The following SUMF1 variants were observed in gnomAD, a reference collection of about 807,000 sequenced individuals.
The protein encoded by SUMF1 is formylglycine-generating enzyme.
A neutral mutation model predicts 47.6 loss-of-function variants in SUMF1; 48 were observed. The ratio of observed to expected loss-of-function variants is 1.01; its 90% CI spans 0.80 to 1.28. SUMF1 has a LOEUF of 1.28. Ranked by LOEUF, SUMF1 falls within the 50% of genes most tolerant of loss-of-function variation. The probability of loss-of-function intolerance (pLI) is 0.00; values close to 1 mark genes in which losing one functional copy is unlikely to be tolerated. For missense variants in SUMF1, 571 were observed against 485.4 expected (o/e 1.18, Z -1.66); for synonymous variants, 230 against 192.1 (o/e 1.20, Z -1.63).
At chr3:4,168,457 T>A (rs759391227) in intron 8 of SUMF1, among the ~76,000 whole-genome samples, 6 of 152,292 alleles carry the variant, frequency 3.9e-5, no homozygotes, top group Non-Finnish European at 7.4e-5. Flanking sequence ...GAAGCAAGGT[T>A]GGTCTTCACA....
intron 8 of SUMF1, among the ~76,000 whole-genome samples, chr3:4,143,554 G>C (rs1694122302): frequency 6.6e-6 from 1 of 151,960 alleles, no homozygotes; most frequent in Non-Finnish European, 1.5e-5. Context: ...TTATTATTTT[G>C]ACATAAAACA....
rs73119846 is a variant in SUMF1 at position 4,072,226 on chromosome 3, C to T, written c.1015-3481G>A. 6.2e-3 allele frequency among the ~76,000 whole-genome samples: 951 copies of T among 152,214 alleles called. 15 individuals carry two copies. Among genetic ancestry groups the T allele is most frequent in the African/African-American group, 0.017 (722 of 41,522 alleles). ...GCCTGACTGTCAGAAGGAAAACTAA[C>T]GAATACAAGGGGCCTGACTGTTAGA... On this transcript the variant is annotated intron_variant and NMD_transcript_variant, in intron 8 of 12. Coordinates refer to the SUMF1 transcript ENST00000448413.
intron 8 of SUMF1, among the ~76,000 whole-genome samples, chr3:4,214,549 C>G (rs970113396): frequency 1.8e-4 from 28 of 152,014 alleles, no homozygotes; most frequent in Non-Finnish European, 4.0e-4. Flanking sequence ...CAAGAAATAA[C>G]TAAGATCAGA....
At chr3:4,189,734 A>T (rs1308088919) in intron 8 of SUMF1, among the ~76,000 whole-genome samples, 1 of 152,104 alleles carries the variant, frequency 6.6e-6, no homozygotes, top group African/African-American at 2.4e-5. Context: ...ACCCAATCTC[A>T]CCTGGGCTGG....
intron 1 of SUMF1, among the ~76,000 whole-genome samples, chr3:4,466,121 T>C (rs751397104): frequency 2.0e-4 from 31 of 152,096 alleles, no homozygotes; most frequent in Non-Finnish European, 3.1e-4. Context: ...TTCTTTCTTT[T>C]TTTTTTTCGA....
chr3:4,418,722 G>C (rs900224227), intron 4 of SUMF1, among the ~76,000 whole-genome samples: 1 of 152,094 alleles, frequency 6.6e-6, no homozygotes, highest in African/African-American at 2.4e-5. Context: ...CTCTGTTTCA[G>C]CCTCTGTTTC....
At chr3:4,245,586 T>C (rs911809266) in intron 8 of SUMF1, among the ~76,000 whole-genome samples, 3 of 152,142 alleles carry the variant, frequency 2.0e-5, no homozygotes, top group South Asian at 4.1e-4. Flanking sequence ...ACAGCATATA[T>C]TGCTGCCTCA....
At chr3:4,198,902 G>GA (rs1176890553) in intron 8 of SUMF1, among the ~76,000 whole-genome samples, 42 of 152,192 alleles carry the variant, frequency 2.8e-4, no homozygotes, top group African/African-American at 8.9e-4. Context: ...TTAAAAATAA[G>GA]AAAAAGAAAT....
rs770091674 is a variant in SUMF1, at chr3:4,335,960, C to CAA, written c.1014+40368_1014+40369dup. Among the ~76,000 whole-genome samples the CAA allele has an allele frequency of 7.2e-4, 53 of 73,864 alleles. 1 individual carries two copies. The highest frequency in any genetic ancestry group is 2.9e-3 in the South Asian group (6 of 2,082). 48.5% of individuals were successfully genotyped at this position (73,864 alleles called of 152,430 possible). A position where few individuals can be genotyped will look rare whatever the true frequency, so the allele number is the denominator to read the frequency against. On this transcript the variant is annotated intron_variant and NMD_transcript_variant, in intron 8 of 12. Transcript: ENST00000448413. Reference sequence around the variant, plus strand: ...TGGACAACTGAGTGAGATTCCAACTCAAAAAAAAAAAAAAAAAAAACAGAA... The same window carrying CAA: ...TGGACAACTGAGTGAGATTCCAACTCAAAAAAAAAAAAAAAAAAAAAACAGAA...
intron 1 of SUMF1, among the ~76,000 whole-genome samples, chr3:4,466,018 T>G (rs2125185642): frequency 6.6e-6 from 1 of 152,204 alleles, no homozygotes; most frequent in East Asian, 1.9e-4. Flanking sequence ...AGTTTAGGAG[T>G]CAGAAGACCT....
chr3:4,098,498 T>C (rs1692957110), intron 8 of SUMF1, among the ~76,000 whole-genome samples: 1 of 152,160 alleles, frequency 6.6e-6, no homozygotes, highest in African/African-American at 2.4e-5. Flanking sequence ...TGTATTCTTC[T>C]ATCTCCAGAC....
intron 8 of SUMF1, among the ~76,000 whole-genome samples, chr3:4,159,116 G>A (rs1248657518): frequency 1.3e-5 from 2 of 151,364 alleles, no homozygotes; most frequent in East Asian, 1.9e-4. Flanking sequence ...AATATTCTGT[G>A]TTTCTCTGTG....
chr3:4,220,145 C>T (rs1202743139), intron 8 of SUMF1, among the ~76,000 whole-genome samples: 1 of 152,010 alleles, frequency 6.6e-6, no homozygotes, highest in Non-Finnish European at 1.5e-5. Flanking sequence ...TTCACTTCAC[C>T]CAGGCTCCAT....
chr3:4,376,452 A>T (rs1309711270), intron 7 of SUMF1, 63 bp from the exon 8 acceptor site: 6 of 1,540,544 alleles, frequency 3.9e-6, no homozygotes, highest in East Asian at 4.5e-5. Flanking sequence ...ACACAGTGGG[A>T]GAGAATCCAC....
In SUMF1 at chr3:4,070,488, T is replaced by A. The variant is rs183776722; in HGVS notation, c.1015-1743A>T. Among the ~76,000 whole-genome samples the A allele has an allele frequency of 1.1e-3, 172 of 152,322 alleles. 2 individuals carry two copies. Among genetic ancestry groups the A allele is most frequent in the African/African-American group, 4.0e-3 (165 of 41,572 alleles). ...ATTCTTTCTAAGAGACACACCATTCTAAGAAACATGAACAACCAATGAAAT... is the reference window on the plus strand; with the variant it reads ...ATTCTTTCTAAGAGACACACCATTCAAAGAAACATGAACAACCAATGAAAT... On this transcript the variant is annotated intron_variant and NMD_transcript_variant, in intron 8 of 12. Transcript: ENST00000448413.
intron 8 of SUMF1, among the ~76,000 whole-genome samples, chr3:4,241,412 A>T (rs1246819508): frequency 6.6e-6 from 1 of 152,122 alleles, no homozygotes; most frequent in African/African-American, 2.4e-5. Context: ...TTGAAGTCTG[A>T]AGGCCCAAGT....
At chr3:4,040,671 G>A (rs1272313772) in intron 9 of SUMF1, among the ~76,000 whole-genome samples, 2 of 152,174 alleles carry the variant, frequency 1.3e-5, no homozygotes, top group African/African-American at 4.8e-5. Flanking sequence ...TTTAGCAGCA[G>A]TATGTCACGT....
chr3:4,163,002 A>G (rs1694613581), intron 8 of SUMF1, among the ~76,000 whole-genome samples: 1 of 152,044 alleles, frequency 6.6e-6, no homozygotes, highest in Non-Finnish European at 1.5e-5. Flanking sequence ...CATTGCTGGC[A>G]CCCTAAAAAT....
At chr3:4,325,417 C>A (rs1312266586) in intron 8 of SUMF1, among the ~76,000 whole-genome samples, 3 of 151,668 alleles carry the variant, frequency 2.0e-5, no homozygotes, top group African/African-American at 2.4e-5. Context: ...GAAAAGGGAC[C>A]AAGGACAAAT....
Sources: allele counts gnomAD v4.1 joint callset (sites outside exome capture counted in the v4.1 genomes callset), GRCh38; gene constraint gnomAD v4.1.1; transcripts MANE v1.5; gene names NCBI Gene and HGNC (gene_info 2026-07-23, HGNC 2026-07-21).